Variants in ZNF423 observed in about 807,000 individuals in gnomAD.
ZNF423 encodes zinc finger protein 423.
ZNF423 carries 12 observed loss-of-function variants against 95.8 expected under a neutral mutation model. The ratio of observed to expected loss-of-function variants is 0.13; its 90% confidence interval spans 0.08 to 0.20. The LOEUF (loss-of-function observed/expected upper bound fraction) is 0.20, where lower values mean the gene tolerates loss of function less well. Among genes scored for constraint, ZNF423 ranks in the 10% least tolerant of loss-of-function variants. The pLI is 1.00. For synonymous variants in ZNF423, 749 were observed against 711.9 expected (o/e 1.05, Z -0.83); for missense variants, 1,316 against 1,737.1 (o/e 0.76, Z 4.31).
At chr16:49,530,364 C>T (rs1178759182) in intron 5 of ZNF423, among the ~76,000 whole-genome samples, 1 of 152,128 alleles carries the variant, frequency 6.6e-6, no homozygotes, top group Non-Finnish European at 1.5e-5. Context: ...AGCACCTGGC[C>T]CACCTTTAAT....
chr16:49,639,680 T>C (rs1198242429), intron 3 of ZNF423, among the ~76,000 whole-genome samples: 1 of 152,096 alleles, frequency 6.6e-6, no homozygotes, highest in Non-Finnish European at 1.5e-5. Context: ...GGAGGATGAA[T>C]GAGGACATGG....
chr16:49,644,225 C>T (rs539585898), intron 3 of ZNF423, among the ~76,000 whole-genome samples: 9 of 152,230 alleles, frequency 5.9e-5, no homozygotes, highest in Admixed American at 2.0e-4. Context: ...CTCCTGCCAT[C>T]GAAGCTATGC....
At chr16:49,775,776 G>T (rs561726717) in intron 2 of ZNF423, among the ~76,000 whole-genome samples, 1 of 152,244 alleles carries the variant, frequency 6.6e-6, no homozygotes, top group Non-Finnish European at 1.5e-5. Context: ...GCACACAGAC[G>T]CCTGACAATA....
At chr16:49,617,875 C>T (rs1259600285) in intron 5 of ZNF423, among the ~76,000 whole-genome samples, 1 of 152,182 alleles carries the variant, frequency 6.6e-6, no homozygotes, top group East Asian at 1.9e-4. Flanking sequence ...AGCCTCCCTC[C>T]CAGTGCACTT....
intron 2 of ZNF423, chr16:49,731,244 T>C (rs2033161219): frequency 1.1e-6 from 1 of 875,266 alleles, no homozygotes; most frequent in Non-Finnish European, 1.4e-6. Flanking sequence ...CCGTGACCCA[T>C]CGGAGAGGTG....
At chr16:49,829,828 A>G (rs1268569152) in intron 1 of ZNF423, among the ~76,000 whole-genome samples, 1 of 152,150 alleles carries the variant, frequency 6.6e-6, no homozygotes, top group Non-Finnish European at 1.5e-5. Flanking sequence ...CAGAAACAGG[A>G]AAAAAGAGAC....
intron 1 of ZNF423, among the ~76,000 whole-genome samples, chr16:49,807,690 C>T (rs1356909609): frequency 6.6e-6 from 1 of 152,218 alleles, no homozygotes; most frequent in Non-Finnish European, 1.5e-5. Flanking sequence ...TTGGGGGACC[C>T]CAGGCAGCTC....
Position 49,635,752 on chromosome 16 carries a change from C to A in ZNF423, c.3424G>T (p.Asp1142Tyr), listed in dbSNP as rs1422584751. ...ECSVKFESAE[D>Y]LESHMQVDHR... ...TCCACCTGCATGTGGCTCTCCAGGT[C>A]TTCGGCACTCTCAAACTTGACACTG... is the stretch of plus-strand genomic sequence containing the variant. Residue 1142 changes from aspartate to tyrosine, a missense_variant, in exon 4 of 8, where the codon GAC becomes TAC. By Grantham distance (160) the Asp-to-Tyr change is radical. Around this residue, in one of 6 missense-constraint regions of ZNF423, gnomAD observed 620 missense variants for 775.6 expected, o/e 0.80. Transcript: ENST00000563137. This position sits in a 1 kb window ranked among gnomAD's most constrained non-coding sequence, Gnocchi z 4.8. 3 of 1,612,938 alleles carry A rather than the reference C, an allele frequency of 1.9e-6. No homozygotes were observed. The highest frequency in any genetic ancestry group is 2.5e-6 in the Non-Finnish European group (3 of 1,179,848).
At chr16:49,792,018 A>AAAAAAAAAAAG (rs57175853) in intron 1 of ZNF423, among the ~76,000 whole-genome samples, 1 of 138,282 alleles carries the variant, frequency 7.2e-6, no homozygotes, top group African/African-American at 2.7e-5. Flanking sequence ...AAAAAAAAAA[A>AAAAAAAAAAAG]AAAGAAAGAA....
chr16:49,640,690 G>C (rs760345778), intron 3 of ZNF423: 1 of 151,548 alleles, frequency 6.6e-6, no homozygotes, highest in Non-Finnish European at 1.5e-5. Context: ...TCCGAAGCTC[G>C]CAGTTCTCCA....
intron 3 of ZNF423, among the ~76,000 whole-genome samples, chr16:49,679,980 CT>C (rs1472604777): frequency 6.6e-6 from 1 of 152,226 alleles, no homozygotes; most frequent in Admixed American, 6.5e-5. Flanking sequence ...TTCGGGTCTC[CT>C]GACTCTTCAG....
chr16:49,783,538 G>A (rs1024314050), intron 2 of ZNF423, among the ~76,000 whole-genome samples: 1 of 141,382 alleles, frequency 7.1e-6, no homozygotes, highest in African/African-American at 2.6e-5. Flanking sequence ...TAGAGCTAGC[G>A]TTAGGTTTAG....
Position 49,636,099 on chromosome 16 carries a change from G to T in ZNF423, c.3077C>A (p.Thr1026Lys), listed in dbSNP as rs138264499. The change falls in exon 4 of 8, where the codon ACG (threonine) becomes AAG (lysine). Residue 1026 changes from threonine (T) to lysine (K), a missense_variant. Thr to Lys is a moderately conservative substitution (Grantham distance 78). Transcript: ENST00000563137. The surrounding 1 kb of genome is among the most constrained non-coding windows in gnomAD (Gnocchi z 8.6). ...QMHPDLRNSL[T>K]GFRCVVCMQT... ...CATGCAGACCACACAGCGGAAGCCC[G>T]TGAGTGAGTTGCGCAGGTCAGGGTG... 9 of 1,613,948 alleles carry T rather than the reference G, an allele frequency of 5.6e-6. No homozygotes were observed. The highest frequency in any genetic ancestry group is 1.3e-5 in the African/African-American group (1 of 75,054).
intron 7 of ZNF423, among the ~76,000 whole-genome samples, chr16:49,497,007 T>C (rs1448634645): frequency 6.6e-6 from 1 of 152,202 alleles, no homozygotes; most frequent in Non-Finnish European, 1.5e-5. Flanking sequence ...GAACTTTGGA[T>C]GGTCCTGCCC....
At chr16:49,580,418 T>C (rs1400234980) in intron 5 of ZNF423, among the ~76,000 whole-genome samples, 1 of 152,166 alleles carries the variant, frequency 6.6e-6, no homozygotes, top group East Asian at 1.9e-4. Context: ...ATCAACACAG[T>C]AAACTACACA....
intron 5 of ZNF423, among the ~76,000 whole-genome samples, chr16:49,529,124 C>T (rs2151716204): frequency 6.8e-6 from 1 of 146,000 alleles, no homozygotes; most frequent in East Asian, 2.0e-4. Context: ...CCTTCCTTTT[C>T]TGTGCCTTTT....
At chr16:49,816,078 C>T (rs1189733860) in intron 1 of ZNF423, among the ~76,000 whole-genome samples, 5 of 151,170 alleles carry the variant, frequency 3.3e-5, no homozygotes, top group Non-Finnish European at 7.4e-5. Context: ...GCCACTACGC[C>T]GGGCTAATTT....
chr16:49,506,958 T>C (rs1217940583), intron 7 of ZNF423, among the ~76,000 whole-genome samples: 1 of 151,954 alleles, frequency 6.6e-6, no homozygotes, highest in African/African-American at 2.4e-5. Flanking sequence ...AATGGATGAA[T>C]GGTGGGAGGA....
intron 3 of ZNF423, among the ~76,000 whole-genome samples, chr16:49,647,519 G>C (rs1973224886): frequency 6.6e-6 from 1 of 152,244 alleles, no homozygotes; most frequent in African/African-American, 2.4e-5. Context: ...ACATGGGTCT[G>C]TTGTAATCAC....
Sources: allele counts gnomAD v4.1 joint callset (sites outside exome capture counted in the v4.1 genomes callset), GRCh38; gene constraint gnomAD v4.1.1; regional missense constraint gnomAD v4.1.1; non-coding constraint Gnocchi (gnomAD v3.1); transcripts MANE v1.5; gene names NCBI Gene and HGNC (gene_info 2026-07-23, HGNC 2026-07-21).